The following LDLRAP1 variants were observed in gnomAD, a reference collection of about 807,000 sequenced individuals.
LDLRAP1 encodes low density lipoprotein receptor adaptor protein 1, also known as low density lipoprotein receptor adapter protein 1.
A neutral mutation model predicts 37.8 loss-of-function variants in LDLRAP1; 30 were observed. The observed-to-expected ratio is 0.79, with a 90% CI of 0.59 to 1.08. The LOEUF is 1.08. Ranked by LOEUF, LDLRAP1 falls within the 50% of genes least tolerant of loss-of-function variation. The pLI is 0.00. For missense variants in LDLRAP1, 375 were observed against 401.6 expected, an observed-to-expected ratio of 0.93 and a Z score of 0.57; for synonymous variants, 156 against 169.8, an observed-to-expected ratio of 0.92 and a Z score of 0.63.
chr1:25,570,831 C>G (rs1209294728), downstream of LDLRAP1, among the ~76,000 whole-genome samples: 1 of 152,082 alleles, frequency 6.6e-6, no homozygotes, highest in Non-Finnish European at 1.5e-5. Context: ...TACACTCCAG[C>G]CTGGGCGACA....
In LDLRAP1 at chr1:25,562,729, A is replaced by T. The variant is rs749181879; in HGVS notation, c.532+13A>T. The T allele has an allele frequency of 1.2e-6, 2 of 1,612,616 alleles. No homozygotes were observed. The highest frequency in any genetic ancestry group is 1.7e-4 in the Middle Eastern group (1 of 6,056). On this transcript the variant is annotated intron_variant, in intron 5 of 8. Coordinates refer to ENST00000374338, the MANE Select transcript of LDLRAP1 (RefSeq NM_015627.3). The stretch of plus-strand genomic sequence containing the variant: ...GTGTCCAAGGAAGGTGAGACTTTGC[A>T]TCTACATTGTGGGTGTGGTGGGAGG...
chr1:25,584,168 T>C, the LDLRAP1 span, among the ~76,000 whole-genome samples: 1 of 151,872 alleles, frequency 6.6e-6, no homozygotes, highest in Non-Finnish European at 1.5e-5. Flanking sequence ...TCTTTGGAGG[T>C]CCCGTGGGGG....
chr1:25,574,751 C>T, the LDLRAP1 span, among the ~76,000 whole-genome samples: 2 of 152,058 alleles, frequency 1.3e-5, no homozygotes, highest in South Asian at 2.1e-4. Context: ...GTGTTGGCTC[C>T]GTGGGCCTGT....
downstream of LDLRAP1, among the ~76,000 whole-genome samples, chr1:25,570,487 T>C (rs886094283): frequency 6.6e-6 from 1 of 152,106 alleles, no homozygotes; most frequent in South Asian, 2.1e-4. Context: ...CAGATTCACA[T>C]CTGGGGGGCT....
intron 4 of LDLRAP1, among the ~76,000 whole-genome samples, chr1:25,558,631 C>G (rs1230567403): frequency 6.6e-6 from 1 of 152,126 alleles, no homozygotes; most frequent in Non-Finnish European, 1.5e-5. Flanking sequence ...TCCGAGCCAG[C>G]AATGTAGCAT....
chr1:25,571,649 G>C (rs1470070521), downstream of LDLRAP1, among the ~76,000 whole-genome samples: 1 of 152,236 alleles, frequency 6.6e-6, no homozygotes, highest in Admixed American at 6.5e-5. Flanking sequence ...CTGGGACTCA[G>C]AGCCAGTGTG....
intron 1 of LDLRAP1, among the ~76,000 whole-genome samples, chr1:25,551,095 T>C (rs1051087141): frequency 6.6e-6 from 1 of 152,190 alleles, no homozygotes; most frequent in Non-Finnish European, 1.5e-5. Context: ...TTAGTATTGC[T>C]TGCCTGGGGC....
At chr1:25,588,770 A>G in the LDLRAP1 span, among the ~76,000 whole-genome samples, 2 of 151,944 alleles carry the variant, frequency 1.3e-5, no homozygotes, top group South Asian at 4.2e-4. Context: ...CTCTCGTTCC[A>G]CCTAACAAGA....
Position 25,555,645 on chromosome 1 carries a change from C to T in LDLRAP1, c.344+673C>T, listed in dbSNP as rs960319274. 6.6e-6 allele frequency among the ~76,000 whole-genome samples: 1 copy of T among 152,236 alleles called. No homozygotes were observed. Among genetic ancestry groups the T allele is most frequent in the Non-Finnish European group, 1.5e-5 (1 of 68,042 alleles). ...GTCCAGCAGGCTCCCGTCTGCCTGG[C>T]ATCCCTCCACCCTCTTGCTTTGTCT... On this transcript the variant is annotated intron_variant, in intron 3 of 8. Transcript: ENST00000374338. This position sits in a 1 kb window ranked among gnomAD's most constrained non-coding sequence, Gnocchi z 4.7.
the LDLRAP1 span, among the ~76,000 whole-genome samples, chr1:25,578,533 A>G: frequency 2.2e-4 from 34 of 152,036 alleles, no homozygotes; most frequent in Middle Eastern, 3.4e-3. Flanking sequence ...TCCTTAAGAC[A>G]AGGTCTCACT....
chr1:25,543,826 G>C, intron 1 of LDLRAP1, 40 bp downstream of exon 1: 4 of 1,179,250 alleles, frequency 3.4e-6, no homozygotes, highest in Non-Finnish European at 4.2e-6. Flanking sequence ...CCGGGATCGG[G>C]CAGAGGCGCG....
the LDLRAP1 span, among the ~76,000 whole-genome samples, chr1:25,576,849 C>G: frequency 1.3e-5 from 2 of 152,276 alleles, no homozygotes; most frequent in Non-Finnish European, 2.9e-5. Context: ...CAGAAGGAGG[C>G]TGCCCCTCCT....
At chr1:25,552,700 A>T (rs927246728) in intron 1 of LDLRAP1, among the ~76,000 whole-genome samples, 1 of 152,128 alleles carries the variant, frequency 6.6e-6, no homozygotes, top group Non-Finnish European at 1.5e-5. Context: ...GGAGCCGGGG[A>T]TGGTCAGAAA....
At chr1:25,569,111 A>C (rs2044563248), downstream of LDLRAP1, among the ~76,000 whole-genome samples, 1 of 152,130 alleles carries the variant, frequency 6.6e-6, no homozygotes. Context: ...TGACTCATGG[A>C]GGCTACACCA....
At chr1:25,582,851 T>C in the LDLRAP1 span, among the ~76,000 whole-genome samples, 9 of 151,756 alleles carry the variant, frequency 5.9e-5, no homozygotes, top group East Asian at 2.0e-4. Context: ...GTGGGCGGAT[T>C]ACCTGAGGTT....
chr1:25,549,197 C>A (rs942827237), intron 1 of LDLRAP1, among the ~76,000 whole-genome samples: 5 of 152,204 alleles, frequency 3.3e-5, no homozygotes, highest in Non-Finnish European at 5.9e-5. Flanking sequence ...GGGGATGAAC[C>A]CATTTGTCAG....
chr1:25,546,916 A>T (rs2043947489), intron 1 of LDLRAP1, among the ~76,000 whole-genome samples: 1 of 152,100 alleles, frequency 6.6e-6, no homozygotes, highest in South Asian at 2.1e-4. Context: ...TGGCCCAGGG[A>T]AGCCAAAAGA....
At position 25,567,108 on chromosome 1, in the gene LDLRAP1, C is replaced by T; in HGVS notation, c.*116C>T. ...CACCTCTCCCAGCCCTCAGCATTGT[C>T]AGCCTGAAGATCAGAGCTGCAGCCA... is the stretch of plus-strand genomic sequence containing the variant. On this transcript the variant is annotated 3_prime_UTR_variant, in exon 9 of 9. Transcript: ENST00000374338. 1 of 1,307,570 alleles carries T rather than the reference C, an allele frequency of 7.6e-7. No individual in the cohort carries two copies. The highest frequency in any genetic ancestry group is 1.1e-6 in the Non-Finnish European group (1 of 926,722). The allele number at this position is 1,307,570 out of a possible 1,614,324, so 81.0% of individuals were successfully genotyped here. A position where few individuals can be genotyped will look rare whatever the true frequency, so the allele number is the denominator to read the frequency against.
chr1:25,569,039 G>A (rs1389075632), downstream of LDLRAP1, among the ~76,000 whole-genome samples: 1 of 152,070 alleles, frequency 6.6e-6, no homozygotes, highest in Non-Finnish European at 1.5e-5. Flanking sequence ...GGGGTTGAAG[G>A]CCCAGTGGGG....
Sources: allele counts gnomAD v4.1 joint callset (sites outside exome capture counted in the v4.1 genomes callset), GRCh38; gene constraint gnomAD v4.1.1; non-coding constraint Gnocchi (gnomAD v3.1); transcripts MANE v1.5; gene names NCBI Gene and HGNC (gene_info 2026-07-23, HGNC 2026-07-21).